The following CDK13 variants were observed in gnomAD, a reference collection of about 807,000 sequenced individuals.
CDK13 encodes cyclin dependent kinase 13.
Under a neutral mutation model 137.6 loss-of-function variants are expected in CDK13, and 40 were observed. That is an observed-to-expected ratio of 0.29 (90% CI 0.23 to 0.38). The LOEUF (loss-of-function observed/expected upper bound fraction) is 0.38. CDK13 is among the 10% of genes least tolerant of loss of function. CDK13 has a pLI of 1.00. For synonymous variants in CDK13, 869 were observed against 760.1 expected, an observed-to-expected ratio of 1.14 and a Z score of -2.36; for missense variants, 1,704 against 1,951.8, an observed-to-expected ratio of 0.87 and a Z score of 2.39.
At chr7:40,054,325 G>T (rs1689384992) in intron 7 of CDK13, among the ~76,000 whole-genome samples, 1 of 152,066 alleles carries the variant, frequency 6.6e-6, no homozygotes, top group African/African-American at 2.4e-5. Flanking sequence ...CAGTTTGAAA[G>T]CTCTTGAAAT....
rs146480658 is a variant in CDK13, at chr7:40,021,103, GTATATATATATATATA to G, written c.2353+19077_2353+19092del. The stretch of plus-strand genomic sequence containing the variant: ...AGATTCCATCTCAGAGCAAACAAAC[GTATATATATATATATA>G]TATACACACACACACACACACACAC... On this transcript the variant is annotated intron_variant, in intron 5 of 13. Transcript: ENST00000181839. Among the ~76,000 whole-genome samples, 238 of 42,254 alleles carry G rather than the reference GTATATATATATATATA, an allele frequency of 5.6e-3. 1 individual carries two copies. The highest frequency in any genetic ancestry group is 0.038 in the Middle Eastern group (4 of 106). The allele number at this position is 42,254 out of a possible 152,430, so 27.7% of individuals were successfully genotyped here. A position where few individuals can be genotyped will look rare whatever the true frequency, so the allele number is the denominator to read the frequency against.
intron 1 of CDK13, chr7:39,984,917 T>A (rs1784304691): frequency 6.6e-6 from 1 of 151,894 alleles, no homozygotes; most frequent in Non-Finnish European, 1.5e-5. Flanking sequence ...GGATAATCGC[T>A]TGAACCCGGT....
chr7:40,092,615 T>TAAATAA, intron 12 of CDK13, 170 bp from the exon 13 acceptor site: 3 of 586,400 alleles, frequency 5.1e-6, no homozygotes, highest in Non-Finnish European at 9.0e-6. Context: ...TACAGGTACA[T>TAAATAA]TTTAAATGTA....
chr7:40,024,212 TC>T (rs1785188858), intron 5 of CDK13, among the ~76,000 whole-genome samples: 1 of 152,170 alleles, frequency 6.6e-6, no homozygotes, highest in Non-Finnish European at 1.5e-5. Flanking sequence ...CTCCACTCAC[TC>T]CTTACCTTCA....
At chr7:40,065,552 G>A (rs1786262727) in intron 9 of CDK13, among the ~76,000 whole-genome samples, 1 of 152,090 alleles carries the variant, frequency 6.6e-6, no homozygotes, top group South Asian at 2.1e-4. Flanking sequence ...GCCATCCTGG[G>A]TTGCATGCAG....
At chr7:39,996,987 A>AAAAAAAAAAAAAAAC (rs1562719405) in intron 2 of CDK13, among the ~76,000 whole-genome samples, 2 of 151,050 alleles carry the variant, frequency 1.3e-5, no homozygotes, top group African/African-American at 2.4e-5. Flanking sequence ...GAAAAAAAAA[A>AAAAAAAAAAAAAAAC]AGAAAAATGC....
rs1011234458 is a variant in CDK13, at chr7:39,950,689, C to G, written c.48C>G (p.Ser16Arg). 1.4e-6 allele frequency: 2 copies of G among 1,429,454 alleles called. No individual in the cohort carries two copies. Among genetic ancestry groups the G allele is most frequent in the Non-Finnish European group, 1.8e-6 (2 of 1,096,724 alleles). The allele number at this position is 1,429,454 out of a possible 1,614,324, so 88.5% of individuals were successfully genotyped here. A position where few individuals can be genotyped will look rare whatever the true frequency, so the allele number is the denominator to read the frequency against. ...CGCTGGGGGGAGGCGGGGGCCTGAG[C>G]TGGGCGGAGAAGAAGTTGGAGGAAC... ...DTALGGGGGL[S>R]WAEKKLEERR... Residue 16 changes from serine (S) to arginine (R), a missense_variant, in exon 1 of 14, where the codon AGC (serine) becomes AGG (arginine). Transcript: ENST00000181839.
intron 7 of CDK13, among the ~76,000 whole-genome samples, chr7:40,052,485 C>T (rs532946054): frequency 1.4e-4 from 21 of 152,162 alleles, no homozygotes; most frequent in South Asian, 1.0e-3. Flanking sequence ...CCCTGAAAAA[C>T]GTATCTTTAA....
intron 5 of CDK13, among the ~76,000 whole-genome samples, chr7:40,004,780 A>G (rs148673361): frequency 2.6e-5 from 4 of 152,378 alleles, no homozygotes; most frequent in African/African-American, 9.6e-5. Context: ...TATGCAAATT[A>G]GAAACAATAC....
At chr7:40,007,168 T>C (rs538828064) in intron 5 of CDK13, among the ~76,000 whole-genome samples, 268 of 152,354 alleles carry the variant, frequency 1.8e-3, no homozygotes, top group African/African-American at 5.9e-3. Flanking sequence ...AATTTAGCTA[T>C]AATACTTGGA....
In CDK13 at chr7:40,019,827, T is replaced by A. The variant is rs553406668; in HGVS notation, c.2353+17796T>A. Among the ~76,000 whole-genome samples, 3 of 152,186 alleles carry A rather than the reference T, an allele frequency of 2.0e-5. No homozygotes were observed. The South Asian group carries it at 6.2e-4, about 32-fold the overall frequency. ...GCTTACATGAGAAGAGACCCAGAGA[T>A]AAGGGCAGGGTTTAGGGTTGGTTGA... On this transcript the variant is annotated intron_variant, in intron 5 of 13. Coordinates refer to ENST00000181839, the MANE Select transcript of CDK13 (RefSeq NM_003718.5).
At chr7:39,959,392 C>T (rs1332731135) in intron 1 of CDK13, among the ~76,000 whole-genome samples, 1 of 151,696 alleles carries the variant, frequency 6.6e-6, no homozygotes, top group Non-Finnish European at 1.5e-5. Flanking sequence ...AACTCCTGGC[C>T]TCAGGTGATC....
chr7:40,045,429 ACT>A (rs1159135535), intron 5 of CDK13, among the ~76,000 whole-genome samples: 1 of 113,450 alleles, frequency 8.8e-6, no homozygotes, highest in African/African-American at 4.7e-5. Context: ...CTTGGCCTGT[ACT>A]CTTTTTTTTT....
intron 1 of CDK13, among the ~76,000 whole-genome samples, chr7:39,979,510 G>A (rs569153004): frequency 6.6e-6 from 1 of 152,066 alleles, no homozygotes; most frequent in South Asian, 2.1e-4. Flanking sequence ...GCCACCACAC[G>A]TGGCCAAGAG....
rs548017969 is a variant in CDK13, at chr7:40,099,483, CTG to C, written c.*4505_*4506del. On this transcript the variant is annotated 3_prime_UTR_variant, in exon 14 of 14. Transcript: ENST00000181839. Reference sequence around the variant, plus strand: ...AACGTTTAAAAGTTAAGTCTTGTAACTGTTAACATCTAATGTATTAATATAAG... The same window carrying C: ...AACGTTTAAAAGTTAAGTCTTGTAACTTAACATCTAATGTATTAATATAAG... 68 of 152,240 alleles carry C rather than the reference CTG, an allele frequency of 4.5e-4. No individual in the cohort carries two copies. Among genetic ancestry groups the C allele is most frequent in the African/African-American group, 1.6e-3 (68 of 41,568 alleles). The allele number at this position is 152,240 out of a possible 1,614,324, so 9.4% of individuals were successfully genotyped here. A position where few individuals can be genotyped will look rare whatever the true frequency, so the allele number is the denominator to read the frequency against.
At position 40,041,400 on chromosome 7, in the gene CDK13, A is replaced by G. The variant is rs1375517912; in HGVS notation, c.2354-4436A>G. On this transcript the variant is annotated intron_variant, in intron 5 of 13. Coordinates refer to ENST00000181839, the MANE Select transcript of CDK13 (RefSeq NM_003718.5). Reference sequence around the variant, plus strand: ...ATTATTTCAGTATGTAATCAAGACCACAAATTATTGAGATATTTTATATTC... The same window carrying G: ...ATTATTTCAGTATGTAATCAAGACCGCAAATTATTGAGATATTTTATATTC... 3.3e-5 allele frequency among the ~76,000 whole-genome samples: 5 copies of G among 152,236 alleles called. No individual in the cohort carries two copies. The East Asian group carries it at 9.6e-4, about 29-fold the overall frequency.
In CDK13 at chr7:40,092,807, C is replaced by T. The variant is rs369804278; in HGVS notation, c.3258C>T (p.His1086=). ...VAPVKTGPGQ[H]LNHSELAILL... ...TAGTAAAAACAGGCCCTGGACAGCA[C>T]TTAAACCACAGTGAATTGGCAATTC... The change falls in exon 13 of 14, where the codon CAC becomes CAT. Residue 1086 remains histidine, a synonymous_variant. Transcript: ENST00000181839. 7.4e-6 allele frequency: 12 copies of T among 1,614,052 alleles called. No homozygotes were observed. Among genetic ancestry groups the T allele is most frequent in the Non-Finnish European group, 1.0e-5 (12 of 1,179,966 alleles).
intron 10 of CDK13, 138 bp downstream of exon 10, chr7:40,078,259 T>G (rs1786589502): frequency 4.3e-6 from 2 of 460,242 alleles, no homozygotes; most frequent in South Asian, 9.6e-5. Flanking sequence ...TGAGTTCTGT[T>G]TGCTACATGC....
intron 5 of CDK13, among the ~76,000 whole-genome samples, chr7:40,004,144 A>G (rs1784750488): frequency 6.6e-6 from 1 of 152,182 alleles, no homozygotes; most frequent in Non-Finnish European, 1.5e-5. Flanking sequence ...TCCTATTTAT[A>G]CTTTAATACT....
Sources: gnomAD v4.1 joint callset for allele counts (sites outside exome capture counted in the v4.1 genomes callset) on GRCh38, gnomAD v4.1.1 for gene constraint, MANE v1.5 for transcripts, NCBI Gene and HGNC (gene_info 2026-07-23, HGNC 2026-07-21) for gene names.